Variants in DKK3 observed in about 807,000 individuals in gnomAD.
DKK3 encodes dickkopf-related protein 3.
Under a neutral mutation model 33.2 loss-of-function variants are expected in DKK3, and 22 were observed. That is an observed-to-expected ratio of 0.66 (90% confidence interval 0.47 to 0.95). The LOEUF (loss-of-function observed/expected upper bound fraction) is 0.95, where lower values mean the gene tolerates loss of function less well. DKK3 is among the 40% of genes least tolerant of loss of function. The pLI, the probability that DKK3 is intolerant of heterozygous loss-of-function variation, is 0.00. For missense variants in DKK3, 398 were observed against 458.4 expected, an observed-to-expected ratio of 0.87 and a Z score of 1.20; for synonymous variants, 194 against 188.8, an observed-to-expected ratio of 1.03 and a Z score of -0.23.
intron 3 of DKK3, among the ~76,000 whole-genome samples, chr11:11,974,026 C>T (rs1302202145): frequency 5.3e-5 from 8 of 152,234 alleles, no homozygotes; most frequent in East Asian, 1.9e-4. Context: ...TCTTGTTCAC[C>T]GGAGGCCCAA....
Position 11,964,316 on chromosome 11 carries a change from G to T in DKK3, c.*148C>A. 9.8e-7 allele frequency: 1 copy of T among 1,023,636 alleles called. No homozygotes were observed. 63.4% of individuals were successfully genotyped at this position (1,023,636 alleles called of 1,614,324 possible). On this transcript the variant is annotated 3_prime_UTR_variant, in exon 7 of 7. Transcript: ENST00000683431. ...AACAGCCTGGGGGAGCTGAACAAAT[G>T]CACAACACCTCATGCTGTCAAGCCA...
At chr11:11,980,158 C>A (rs923813155) in intron 3 of DKK3, among the ~76,000 whole-genome samples, 1 of 152,258 alleles carries the variant, frequency 6.6e-6, no homozygotes, top group African/African-American at 2.4e-5. Flanking sequence ...GAAAACCAAA[C>A]TTGCCCCCCA....
At chr11:11,964,788 G>GC (rs1691936184) in intron 6 of DKK3, 102 bp from the exon 7 acceptor site, 2 of 1,527,242 alleles carry the variant, frequency 1.3e-6, no homozygotes, top group Non-Finnish European at 1.8e-6. Context: ...TCACCTTCAT[G>GC]CCCCCTCCTC....
At chr11:11,990,202 GA>G (rs1848159385) in intron 3 of DKK3, among the ~76,000 whole-genome samples, 1 of 152,214 alleles carries the variant, frequency 6.6e-6, no homozygotes, top group African/African-American at 2.4e-5. Flanking sequence ...CACCTGCATG[GA>G]GGAGCTGTTG....
At chr11:12,009,030 A>T (rs1362052646), upstream of DKK3, 1 of 989,496 alleles carries the variant, frequency 1.0e-6, no homozygotes, top group African/African-American at 1.7e-5. Flanking sequence ...AGCCTCTCTC[A>T]GCCCCTACCT....
intron 3 of DKK3, among the ~76,000 whole-genome samples, chr11:11,981,922 C>T (rs1847961675): frequency 6.6e-6 from 1 of 152,076 alleles, no homozygotes; most frequent in East Asian, 1.9e-4. Context: ...AGTTAGCATT[C>T]CTATGAACCT....
chr11:11,990,266 C>A (rs991135889), intron 3 of DKK3, among the ~76,000 whole-genome samples: 1 of 152,214 alleles, frequency 6.6e-6, no homozygotes, highest in Non-Finnish European at 1.5e-5. Context: ...GCTTGTTCTG[C>A]AGCCGACACC....
Position 12,008,352 on chromosome 11 carries a change from C to G in DKK3, c.213+18G>C, listed in dbSNP as rs1290023863. The G allele has an allele frequency of 2.5e-6, 4 of 1,598,050 alleles. No individual in the cohort carries two copies. Among genetic ancestry groups the G allele is most frequent in the South Asian group, 1.1e-5 (1 of 89,616 alleles). On this transcript the variant is annotated intron_variant, in intron 1 of 6. Coordinates refer to ENST00000683431, the MANE Select transcript of DKK3 (RefSeq NM_001018057.2). The surrounding 1 kb of genome is among the most constrained non-coding windows in gnomAD (Gnocchi z 4.6). Reference sequence around the variant, plus strand: ...GTCTGGCGCTTCTCAGAGCCCCGCGCCGCCAGGGCGCACCCACCTCTTCCA... The same window carrying G: ...GTCTGGCGCTTCTCAGAGCCCCGCGGCGCCAGGGCGCACCCACCTCTTCCA...
At chr11:11,975,020 A>T (rs992930683) in intron 3 of DKK3, among the ~76,000 whole-genome samples, 1 of 152,206 alleles carries the variant, frequency 6.6e-6, no homozygotes, top group Non-Finnish European at 1.5e-5. Flanking sequence ...ACACATTCAT[A>T]AGAGCACACA....
Position 11,975,427 on chromosome 11 carries a change from A to C in DKK3, c.436-6940T>G, listed in dbSNP as rs1290999139. On this transcript the variant is annotated intron_variant, in intron 3 of 6. Coordinates refer to ENST00000683431, the MANE Select transcript of DKK3 (RefSeq NM_001018057.2). ...TAGTCACTGAAGGTTTGGGTGGGGC[A>C]TGTTATCTGTGGATTACCATTTCCT... is the stretch of plus-strand genomic sequence containing the variant. Among the ~76,000 whole-genome samples the C allele has an allele frequency of 2.6e-5, 4 of 152,306 alleles. No homozygotes were observed. In the East Asian group the frequency reaches 7.7e-4, roughly 29 times the overall value.
At chr11:11,978,051 C>T (rs889341537) in intron 3 of DKK3, among the ~76,000 whole-genome samples, 2 of 152,162 alleles carry the variant, frequency 1.3e-5, no homozygotes, top group Non-Finnish European at 2.9e-5. Context: ...TTACATGGGA[C>T]ACACTCATAC....
At chr11:12,002,152 A>T in intron 2 of DKK3, 148 bp downstream of exon 2, 1 of 874,710 alleles carries the variant, frequency 1.1e-6, no homozygotes, top group Non-Finnish European at 1.7e-6. Flanking sequence ...CAGTAACATT[A>T]CTCCTTCTGG....
chr11:12,003,803 C>A (rs895607588), intron 1 of DKK3, among the ~76,000 whole-genome samples: 1 of 152,154 alleles, frequency 6.6e-6, no homozygotes, highest in Non-Finnish European at 1.5e-5. Flanking sequence ...TGTCCTCTAT[C>A]CCCTTAAGTA....
At chr11:11,979,805 G>C (rs1313094142) in intron 3 of DKK3, 1 of 152,280 alleles carries the variant, frequency 6.6e-6, no homozygotes, top group Non-Finnish European at 1.5e-5. Context: ...ACTTGATTAT[G>C]CACGTCCCTG....
upstream of DKK3, chr11:12,008,924 A>G (rs1458057784): frequency 9.5e-7 from 1 of 1,048,728 alleles, no homozygotes; most frequent in South Asian, 4.6e-5. This position sits in a 1 kb window ranked among gnomAD's most constrained non-coding sequence, Gnocchi z 4.6. Flanking sequence ...CTACGCTAAT[A>G]GCTCCCAAGC....
chr11:11,993,170 CA>C (rs1848221491), intron 3 of DKK3, among the ~76,000 whole-genome samples: 1 of 151,358 alleles, frequency 6.6e-6, no homozygotes, highest in Non-Finnish European at 1.5e-5. Flanking sequence ...ATGTTTAGAC[CA>C]AAATTGTAAA....
chr11:11,981,995 G>A (rs1349517401), intron 3 of DKK3, among the ~76,000 whole-genome samples: 1 of 152,068 alleles, frequency 6.6e-6, no homozygotes, highest in Non-Finnish European at 1.5e-5. Flanking sequence ...GCTGCTGCAG[G>A]TGCTCCCCAT....
At chr11:11,996,202 G>C (rs1297211344) in intron 3 of DKK3, among the ~76,000 whole-genome samples, 1 of 152,152 alleles carries the variant, frequency 6.6e-6, no homozygotes, top group East Asian at 1.9e-4. Flanking sequence ...ATGCATTTCA[G>C]AGCCAACCGT....
At chr11:11,987,967 C>A (rs1364808044) in intron 3 of DKK3, among the ~76,000 whole-genome samples, 1 of 152,186 alleles carries the variant, frequency 6.6e-6, no homozygotes, top group Non-Finnish European at 1.5e-5. Flanking sequence ...ACTTATTCAG[C>A]ATCTATTAAA....
Sources: allele counts gnomAD v4.1 joint callset (sites outside exome capture counted in the v4.1 genomes callset), GRCh38; gene constraint gnomAD v4.1.1; non-coding constraint Gnocchi (gnomAD v3.1); transcripts MANE v1.5; gene names NCBI Gene and HGNC (gene_info 2026-07-23, HGNC 2026-07-21).